The following ZNF736 variants were observed in gnomAD, a reference collection of about 807,000 sequenced individuals.
ZNF736 encodes KRAB-containing zinc-finger repressor protein.
A neutral mutation model predicts 11.7 loss-of-function variants in ZNF736; 6 were observed. The observed-to-expected ratio is 0.51, with a 90% CI of 0.28 to 1.01. The LOEUF is 1.01. ZNF736 is among the 50% of genes least tolerant of loss of function. The probability of loss-of-function intolerance (pLI) is 0.09; values close to 1 mark genes in which losing one functional copy is unlikely to be tolerated. For missense variants in ZNF736, 444 were observed against 496.0 expected (o/e 0.90, Z 1.00); for synonymous variants, 139 against 164.7 (o/e 0.84, Z 1.19).
intron 1 of ZNF736, among the ~76,000 whole-genome samples, chr7:64,326,116 ATTTTCTTTCTCTTGT>A (rs1789079028): frequency 6.6e-6 from 1 of 151,986 alleles, no homozygotes; most frequent in Non-Finnish European, 1.5e-5. Flanking sequence ...AAAAAAAAAA[ATTTTCTTTCTCTTGT>A]ACCATTTTAG....
chr7:64,329,635 A>T (rs7783864), intron 1 of ZNF736, among the ~76,000 whole-genome samples: 58,529 of 150,196 alleles, frequency 0.39, 11,588 homozygotes, highest in African/African-American at 0.54. Context: ...CTGCATGCTG[A>T]GCTACCTGGA....
chr7:64,349,179 A>T lies in ZNF736; in HGVS notation c.*32A>T. 1 of 1,442,188 alleles carries T rather than the reference A, an allele frequency of 6.9e-7. No individual in the cohort carries two copies. Among genetic ancestry groups the T allele is most frequent in the East Asian group, 2.5e-5 (1 of 40,332 alleles). 89.3% of individuals were successfully genotyped at this position (1,442,188 alleles called of 1,614,324 possible). A position where few individuals can be genotyped will look rare whatever the true frequency, so the allele number is the denominator to read the frequency against. On this transcript the variant is annotated 3_prime_UTR_variant, in exon 4 of 4. Transcript: ENST00000423484. ...GGAAAAGCCTTTACCAAGTCCTCAT[A>T]CTGTGTTCAACATCTGAAATTTAAT...
intron 1 of ZNF736, among the ~76,000 whole-genome samples, chr7:64,317,812 T>A (rs891290211): frequency 1.3e-5 from 2 of 152,042 alleles, no homozygotes; most frequent in African/African-American, 4.8e-5. Flanking sequence ...TAAGTTTACC[T>A]CATTTTCTTT....
At chr7:64,316,953 A>C (rs536975823) in intron 1 of ZNF736, among the ~76,000 whole-genome samples, 2 of 152,224 alleles carry the variant, frequency 1.3e-5, no homozygotes, top group African/African-American at 4.8e-5. Flanking sequence ...TGTCTCTCTC[A>C]TGATGCCTGC....
rs544148073 is a variant in ZNF736 at position 64,336,354 on chromosome 7, G to A, written c.99G>A (p.Met33Ile). The part of the protein sequence containing the change: ...SAQQRLYRDV[M>I]LENYGNLVSL... ...AGCAGCGTTTGTATAGGGATGTGAT[G>A]TTAGAGAACTATGGAAACCTGGTCT... The change falls in exon 2 of 4, where the codon ATG (methionine) becomes ATA (isoleucine). Residue 33 changes from methionine (M) to isoleucine (I), a missense_variant. Physicochemically the swap from Met to Ile is conservative, Grantham distance 10 (BLOSUM62 1). Transcript: ENST00000423484. 1.1e-5 allele frequency: 17 copies of A among 1,613,702 alleles called. No homozygotes were observed. The East Asian group carries it at 2.9e-4, about 28-fold the overall frequency.
At position 64,349,220 on chromosome 7, in the gene ZNF736, T is replaced by TGGTAACATTTTCTCAGC; in HGVS notation, c.*73_*74insGGTAACATTTTCTCAGC. On this transcript the variant is annotated 3_prime_UTR_variant, in exon 4 of 4. Transcript: ENST00000423484. ...GAAATTTAATACTGAACAAATGCAG[T>TGGTAACATTTTCTCAGC]ATAAATGTAATGACAGTGGAAGAAC... 4 of 1,239,004 alleles carry TGGTAACATTTTCTCAGC rather than the reference T, an allele frequency of 3.2e-6. No individual in the cohort carries two copies. Among genetic ancestry groups the TGGTAACATTTTCTCAGC allele is most frequent in the Non-Finnish European group, 4.4e-6 (4 of 917,080 alleles). 76.8% of individuals were successfully genotyped at this position (1,239,004 alleles called of 1,614,324 possible).
intron 3 of ZNF736, among the ~76,000 whole-genome samples, chr7:64,339,932 TC>T (rs992141783): frequency 4.6e-5 from 7 of 152,300 alleles, no homozygotes; most frequent in African/African-American, 1.7e-4. Flanking sequence ...GATAGAATCT[TC>T]TTGGGTATGC....
Position 64,319,333 on chromosome 7 carries a change from GTATATATATATATATATATATATATA to G in ZNF736, c.3+5202_3+5227del, listed in dbSNP as rs71060585. Among the ~76,000 whole-genome samples the G allele has an allele frequency of 5.9e-4, 42 of 71,642 alleles. 1 individual carries two copies. Among genetic ancestry groups the G allele is most frequent in the African/African-American group, 9.6e-4 (22 of 22,974 alleles). The allele number at this position is 71,642 out of a possible 152,430, so 47.0% of individuals were successfully genotyped here. A position where few individuals can be genotyped will look rare whatever the true frequency, so the allele number is the denominator to read the frequency against. ...TATATGTATGTGTGTGTGTGTATGTGTATATATATATATATATATATATATATATATATATATATATATATATGCCT... is the reference window on the plus strand; with the variant it reads ...TATATGTATGTGTGTGTGTGTATGTGTATATATATATATATATATATGCCT... On this transcript the variant is annotated intron_variant, in intron 1 of 3. Coordinates refer to ENST00000423484, the MANE Select transcript of ZNF736 (RefSeq NM_001170905.3).
chr7:64,320,426 T>C (rs1197713126), intron 1 of ZNF736, among the ~76,000 whole-genome samples: 4 of 152,160 alleles, frequency 2.6e-5, no homozygotes, highest in Non-Finnish European at 5.9e-5. Flanking sequence ...AACAAATACA[T>C]TAGTAATTAA....
intron 3 of ZNF736, among the ~76,000 whole-genome samples, chr7:64,346,638 A>C (rs557689858): frequency 6.6e-6 from 1 of 152,174 alleles, no homozygotes; most frequent in South Asian, 2.1e-4. Flanking sequence ...GCGACTTTTA[A>C]AACATTGCTT....
chr7:64,325,134 C>T (rs937077371), intron 1 of ZNF736, among the ~76,000 whole-genome samples: 13 of 149,482 alleles, frequency 8.7e-5, no homozygotes, highest in Middle Eastern at 3.2e-3. Flanking sequence ...GTTAAATACA[C>T]GCTTAGGTTG....
intron 3 of ZNF736, among the ~76,000 whole-genome samples, chr7:64,346,474 GA>G (rs1388029525): frequency 3.1e-5 from 1 of 32,518 alleles, no homozygotes; most frequent in Non-Finnish European, 7.1e-5. Context: ...TTCTTGCTTA[GA>G]CTTTTTTTTT....
intron 3 of ZNF736, chr7:64,337,400 G>A: frequency 1.2e-5 from 2 of 170,876 alleles, no homozygotes; most frequent in Non-Finnish European, 2.5e-5. Context: ...TTTAAGTTTT[G>A]GTGATATTAC....
chr7:64,330,099 C>T (rs1031759573), intron 1 of ZNF736, among the ~76,000 whole-genome samples: 7 of 152,098 alleles, frequency 4.6e-5, no homozygotes, highest in African/African-American at 7.2e-5. Flanking sequence ...AAGTGGTCTT[C>T]GGTCAGCTTG....
chr7:64,325,656 T>C (rs532249295), intron 1 of ZNF736, among the ~76,000 whole-genome samples: 15 of 152,300 alleles, frequency 9.8e-5, no homozygotes, highest in Admixed American at 7.2e-4. Flanking sequence ...AAAAAAGACA[T>C]TTTACTCTCC....
At position 64,355,379 on chromosome 7, in the gene ZNF736, C is replaced by CTTTTTTTTTTTTTTTTT. The variant is rs201484182; in HGVS notation, c.*6245_*6246insTTTTTTTTTTTTTTTTT. 1 of 147,062 alleles carries CTTTTTTTTTTTTTTTTT rather than the reference C, an allele frequency of 6.8e-6. No individual in the cohort carries two copies. 9.1% of individuals were successfully genotyped at this position (147,062 alleles called of 1,614,324 possible). A position where few individuals can be genotyped will look rare whatever the true frequency, so the allele number is the denominator to read the frequency against. On this transcript the variant is annotated 3_prime_UTR_variant, in exon 4 of 4. Transcript: ENST00000423484. The stretch of plus-strand genomic sequence containing the variant: ...ATTTCAAGTAGATTTAATTCTAGAT[C>CTTTTTTTTTTTTTTTTT]TTTTTTTTTTTTTCTTTTTTTGAGA...
At chr7:64,325,935 C>G (rs1789077116) in intron 1 of ZNF736, among the ~76,000 whole-genome samples, 1 of 151,758 alleles carries the variant, frequency 6.6e-6, no homozygotes, top group African/African-American at 2.4e-5. Context: ...TTGAATATAC[C>G]CAATATACAT....
chr7:64,337,756 G>GTTTTTT (rs569147961), intron 3 of ZNF736, among the ~76,000 whole-genome samples: 74 of 112,454 alleles, frequency 6.6e-4, no homozygotes, highest in South Asian at 1.9e-3. Context: ...GTTTTTTTTG[G>GTTTTTT]TTTTTTTTTT....
At chr7:64,329,294 T>C (rs1404912673) in intron 1 of ZNF736, among the ~76,000 whole-genome samples, 1 of 152,116 alleles carries the variant, frequency 6.6e-6, no homozygotes, top group Non-Finnish European at 1.5e-5. Flanking sequence ...TCCTGAATAG[T>C]CTTAATTTTT....
Sources: allele counts gnomAD v4.1 joint callset (sites outside exome capture counted in the v4.1 genomes callset), GRCh38; gene constraint gnomAD v4.1.1; transcripts MANE v1.5; gene names NCBI Gene and HGNC (gene_info 2026-07-23, HGNC 2026-07-21).